The following GNAQ variants were observed in gnomAD, a reference collection of about 807,000 sequenced individuals.
GNAQ encodes the protein guanine nucleotide-binding protein G(q) subunit alpha.
A neutral mutation model predicts 43.9 loss-of-function variants in GNAQ; 8 were observed. The observed-to-expected ratio is 0.18, with a 90% CI of 0.11 to 0.33. The LOEUF (loss-of-function observed/expected upper bound fraction) is 0.33, where lower values mean the gene tolerates loss of function less well. GNAQ is among the 10% of genes least tolerant of loss of function. GNAQ has a pLI of 1.00. For synonymous variants in GNAQ, 155 were observed against 170.7 expected (o/e 0.91, Z 0.71); for missense variants, 158 against 450.8 (o/e 0.35, Z 5.88).
At chr9:77,979,308 A>G (rs1018695512) in intron 1 of GNAQ, among the ~76,000 whole-genome samples, 2 of 151,050 alleles carry the variant, frequency 1.3e-5, no homozygotes, top group Non-Finnish European at 2.9e-5. Context: ...GTGAGCCGAG[A>G]TGGCGCCATT....
intron 5 of GNAQ, among the ~76,000 whole-genome samples, chr9:77,761,328 G>T (rs1156785983): frequency 1.6e-5 from 2 of 124,796 alleles, no homozygotes; most frequent in African/African-American, 5.8e-5. Context: ...GAGGTGGGGG[G>T]TCAGCCCCCC....
intron 1 of GNAQ, among the ~76,000 whole-genome samples, chr9:77,971,106 T>A (rs1472468184): frequency 1.3e-5 from 2 of 152,092 alleles, no homozygotes; most frequent in Non-Finnish European, 2.9e-5. Context: ...AATAGACCAA[T>A]AACAGGTTCT....
At chr9:77,750,260 T>C (rs959081570) in intron 5 of GNAQ, among the ~76,000 whole-genome samples, 4 of 152,184 alleles carry the variant, frequency 2.6e-5, no homozygotes, top group Non-Finnish European at 5.9e-5. Context: ...AACTCTGTTA[T>C]AGGATTATCA....
intron 2 of GNAQ, among the ~76,000 whole-genome samples, chr9:77,882,304 A>G (rs1359956998): frequency 6.6e-6 from 1 of 152,190 alleles, no homozygotes; most frequent in African/African-American, 2.4e-5. Context: ...AAAATGGGAG[A>G]TGAGAATTAC....
intron 2 of GNAQ, among the ~76,000 whole-genome samples, chr9:77,913,988 A>G (rs1185325151): frequency 6.6e-6 from 1 of 152,216 alleles, no homozygotes; most frequent in East Asian, 1.9e-4. Context: ...GATGAAAATG[A>G]ACTTAGATGT....
intron 1 of GNAQ, among the ~76,000 whole-genome samples, chr9:77,970,646 G>T (rs1226258681): frequency 6.6e-6 from 1 of 152,154 alleles, no homozygotes; most frequent in East Asian, 1.9e-4. Flanking sequence ...GCAGTGTGTA[G>T]AGGGAAATTT....
intron 1 of GNAQ, among the ~76,000 whole-genome samples, chr9:78,007,293 T>A (rs1451155456): frequency 6.6e-6 from 1 of 152,118 alleles, no homozygotes; most frequent in South Asian, 2.1e-4. Context: ...AAGCTTTTTT[T>A]TTTTTTGCAA....
At chr9:77,819,192 T>C (rs542855777) in intron 2 of GNAQ, among the ~76,000 whole-genome samples, 3 of 152,238 alleles carry the variant, frequency 2.0e-5, no homozygotes, top group South Asian at 4.2e-4. Flanking sequence ...AGAGGGAACA[T>C]TGTGAGAACT....
At chr9:77,730,305 C>T (rs997503737) in intron 5 of GNAQ, among the ~76,000 whole-genome samples, 1 of 152,214 alleles carries the variant, frequency 6.6e-6, no homozygotes, top group African/African-American at 2.4e-5. Flanking sequence ...TGAACACCTT[C>T]TGCTCAGCTT....
intron 1 of GNAQ, among the ~76,000 whole-genome samples, chr9:77,956,378 C>A (rs1823040691): frequency 6.6e-6 from 1 of 152,154 alleles, no homozygotes; most frequent in Admixed American, 6.5e-5. Context: ...CTGTTGTGAT[C>A]CTGTTATTCA....
chr9:77,806,025 G>A (rs141720797), intron 3 of GNAQ, among the ~76,000 whole-genome samples: 4 of 152,188 alleles, frequency 2.6e-5, no homozygotes, highest in Non-Finnish European at 5.9e-5. Context: ...AGGCAACTAA[G>A]TGTCTGCCAG....
chr9:77,770,886 TTTTTATTTTTCAGA>T (rs1826212716), intron 5 of GNAQ, among the ~76,000 whole-genome samples: 1 of 152,162 alleles, frequency 6.6e-6, no homozygotes, highest in Non-Finnish European at 1.5e-5. Context: ...CTGCTTAAGA[TTTTTATTTTTCAGA>T]TCATGAAAAA....
At chr9:77,954,265 T>C (rs1448914981) in intron 1 of GNAQ, among the ~76,000 whole-genome samples, 1 of 152,190 alleles carries the variant, frequency 6.6e-6, no homozygotes, top group Non-Finnish European at 1.5e-5. Context: ...CCTTCCTAAT[T>C]TGTTCAGCTC....
At chr9:77,830,509 C>A (rs1031520810) in intron 2 of GNAQ, among the ~76,000 whole-genome samples, 1 of 152,172 alleles carries the variant, frequency 6.6e-6, no homozygotes, top group Non-Finnish European at 1.5e-5. Flanking sequence ...TGTTAAAACA[C>A]AAGCGGTTTC....
At chr9:77,986,452 G>GTC (rs1823436773) in intron 1 of GNAQ, among the ~76,000 whole-genome samples, 1 of 152,154 alleles carries the variant, frequency 6.6e-6, no homozygotes, top group Non-Finnish European at 1.5e-5. Flanking sequence ...TCTAAGAGAG[G>GTC]TCTACCCTGG....
intron 1 of GNAQ, among the ~76,000 whole-genome samples, chr9:77,948,791 GC>G (rs1431629351): frequency 6.6e-6 from 1 of 152,146 alleles, no homozygotes; most frequent in African/African-American, 2.4e-5. Context: ...TATTCCTACA[GC>G]CACTGAACCT....
chr9:77,882,930 G>T (rs1828239233), intron 2 of GNAQ, among the ~76,000 whole-genome samples: 1 of 152,126 alleles, frequency 6.6e-6, no homozygotes, highest in South Asian at 2.1e-4. Flanking sequence ...ATACCAATAA[G>T]TCTATTGTTG....
chr9:77,836,149 T>C (rs1827380585), intron 2 of GNAQ, among the ~76,000 whole-genome samples: 1 of 152,082 alleles, frequency 6.6e-6, no homozygotes, highest in South Asian at 2.1e-4. Flanking sequence ...AGTCAGCGGG[T>C]ATAGTAAATT....
chr9:77,744,457 G>A (rs1384560253), intron 5 of GNAQ, among the ~76,000 whole-genome samples: 1 of 152,076 alleles, frequency 6.6e-6, no homozygotes, highest in Non-Finnish European at 1.5e-5. Flanking sequence ...TGACTCTACT[G>A]TGTAATTACA....
Sources: allele counts gnomAD v4.1 joint callset (sites outside exome capture counted in the v4.1 genomes callset), GRCh38; gene constraint gnomAD v4.1.1; transcripts MANE v1.5; gene names NCBI Gene and HGNC (gene_info 2026-07-23, HGNC 2026-07-21).